The following PPP1R10 variants were observed in gnomAD, a reference collection of about 807,000 sequenced individuals.
The protein encoded by PPP1R10 is protein phosphatase 1 regulatory subunit 10.
A neutral mutation model predicts 99.0 loss-of-function variants in PPP1R10; 15 were observed. That is an observed-to-expected ratio of 0.15 (90% CI 0.10 to 0.23). PPP1R10 has a LOEUF of 0.23. Among genes scored for constraint, PPP1R10 ranks in the 10% least tolerant of loss-of-function variants. The pLI, the probability that PPP1R10 is intolerant of heterozygous loss-of-function variation, is 1.00. For missense variants in PPP1R10, 947 were observed against 1,259.4 expected (o/e 0.75, Z 3.75); for synonymous variants, 430 against 449.5 (o/e 0.96, Z 0.55).
In PPP1R10 at chr6:30,604,616, A is replaced by G; in HGVS notation, c.1074T>C (p.Pro358=). The change falls in exon 12 of 20, where the codon CCT becomes CCC. Residue 358 remains proline (P), a synonymous_variant. Coordinates refer to ENST00000376511, the MANE Select transcript of PPP1R10 (RefSeq NM_002714.4). The surrounding 1 kb of genome is among the most constrained non-coding windows in gnomAD (Gnocchi z 7.3). Reference sequence around the variant, plus strand: ...TATCCATGAGCTCCGGGACTTCAACAGGGGGAACCGGGGTGCCTGGACGGT... The same window carrying G: ...TATCCATGAGCTCCGGGACTTCAACGGGGGGAACCGGGGTGCCTGGACGGT... ...DADRPGTPVP[P]VEVPELMDTA... The G allele has an allele frequency of 6.2e-7, 1 of 1,613,062 alleles. No homozygotes were observed. Among genetic ancestry groups the G allele is most frequent in the Admixed American group, 1.7e-5 (1 of 60,016 alleles).
At position 30,607,844 on chromosome 6, in the gene PPP1R10, A is replaced by C. The variant is rs1455734482; in HGVS notation, c.378T>G (p.Asp126Glu). The stretch of plus-strand genomic sequence containing the variant: ...AGAGCAGAAGTGGCACCCTACCTTC[A>C]TCCTCACTTGACTTGCTCAGCTGCT... ...LVKQLSKSSE[D>E]EELRKLASVL... Residue 126 changes from aspartate (D) to glutamate (E), a missense_variant, in exon 6 of 20, where the codon GAT (aspartate) becomes GAG (glutamate). Physicochemically the swap from Asp to Glu is conservative, Grantham distance 45. This residue lies in a region of PPP1R10 where 92 missense variants were observed against 159.2 expected (regional missense o/e 0.58). Transcript: ENST00000376511. The C allele has an allele frequency of 1.2e-6, 2 of 1,612,974 alleles. No individual in the cohort carries two copies. The highest frequency in any genetic ancestry group is 1.3e-5 in the African/African-American group (1 of 75,058).
rs1048544515 is a variant in PPP1R10 at position 30,616,829 on chromosome 6, T to C, written c.-363A>G. ...TCAAGTCCCAAGCAGCGTGGGCTGG[T>C]GGGGTGGGCAAGATAGGTGGGAAGG... On this transcript the variant is annotated 5_prime_UTR_variant, in exon 2 of 20. Coordinates refer to ENST00000376511, the MANE Select transcript of PPP1R10 (RefSeq NM_002714.4). The C allele has an allele frequency of 6.6e-6, 1 of 152,118 alleles. No individual in the cohort carries two copies. Among genetic ancestry groups the C allele is most frequent in the South Asian group, 2.1e-4 (1 of 4,818 alleles). The allele number at this position is 152,118 out of a possible 1,614,324, so 9.4% of individuals were successfully genotyped here.
At chr6:30,607,750 AG>A in intron 6 of PPP1R10, 89 bp downstream of exon 6, 2 of 1,405,608 alleles carry the variant, frequency 1.4e-6, no homozygotes, top group Non-Finnish European at 2.0e-6. Flanking sequence ...AGAAAAGTGA[AG>A]GGACAATCCA....
Position 30,604,601 on chromosome 6 carries a change from C to G in PPP1R10, c.1089G>C (p.Glu363Asp), listed in dbSNP as rs1361888292. ...TTTCTAGATTACCTGTATCCATGAG[C>G]TCCGGGACTTCAACAGGGGGAACCG... ...GTPVPPVEVP[E>D]LMDTASLEPG... Residue 363 changes from glutamate (E) to aspartate (D), a missense_variant, in exon 12 of 20, where the codon GAG becomes GAC. By Grantham distance (45) the Glu-to-Asp change is conservative. Coordinates refer to ENST00000376511, the MANE Select transcript of PPP1R10 (RefSeq NM_002714.4). The surrounding 1 kb of genome is among the most constrained non-coding windows in gnomAD (Gnocchi z 7.3). 6.2e-7 allele frequency: 1 copy of G among 1,613,078 alleles called. No homozygotes were observed. The highest frequency in any genetic ancestry group is 1.1e-5 in the South Asian group (1 of 91,084).
At position 30,604,121 on chromosome 6, in the gene PPP1R10, C is replaced by T; in HGVS notation, c.1395G>A (p.Arg465=). The T allele has an allele frequency of 1.2e-6, 2 of 1,614,076 alleles. No individual in the cohort carries two copies. Among genetic ancestry groups the T allele is most frequent in the Non-Finnish European group, 8.5e-7 (1 of 1,180,008 alleles). The part of the protein sequence containing the change: ...MEEKVPWVCP[R]PLVLPSPLVT... ...CAAGAGGTGAGGGCAGAACCAGGGGCCGGGGGCACACCCAGGGCACCTTCT... is the reference window on the plus strand; with the variant it reads ...CAAGAGGTGAGGGCAGAACCAGGGGTCGGGGGCACACCCAGGGCACCTTCT... Residue 465 remains arginine (R), a synonymous_variant, in exon 14 of 20, where the codon CGG becomes CGA. Transcript: ENST00000376511. The surrounding 1 kb of genome is among the most constrained non-coding windows in gnomAD (Gnocchi z 7.3).
chr6:30,602,491 G>A lies in PPP1R10; in HGVS notation c.2158C>T (p.Pro720Ser), dbSNP rs1242429055. The A allele has an allele frequency of 1.9e-6, 3 of 1,575,550 alleles. No individual in the cohort carries two copies. The highest frequency in any genetic ancestry group is 1.8e-5 in the Admixed American group (1 of 56,068). ...RGGNEPPPPP[P>S]PFRGARGGRS... ...CCTCCTCTGGCGCCTCGGAATGGAG[G>A]AGGAGGAGGAGGAGGTTCGTTTCCT... Residue 720 changes from proline to serine, a missense_variant, in exon 19 of 20, where the codon CCT becomes TCT. Pro to Ser is a moderately conservative substitution (Grantham distance 74, BLOSUM62 -1). Transcript: ENST00000376511. The surrounding 1 kb of genome is among the most constrained non-coding windows in gnomAD (Gnocchi z 6.7).
At chr6:30,616,310 G>A (rs1298791117) in intron 2 of PPP1R10, among the ~76,000 whole-genome samples, 168 bp downstream of exon 2, 2 of 152,202 alleles carry the variant, frequency 1.3e-5, no homozygotes, top group African/African-American at 4.8e-5. Flanking sequence ...GAACAAGACT[G>A]TTTAGACCCA....
Position 30,606,239 on chromosome 6 carries a change from T to C in PPP1R10, c.639A>G (p.Leu213=). The change falls in exon 9 of 20, where the codon CTA becomes CTG. Residue 213 remains leucine (L), a synonymous_variant. Transcript: ENST00000376511. The surrounding 1 kb of genome is among the most constrained non-coding windows in gnomAD (Gnocchi z 6.3). ...GCACCAAGGATGGTGTCTCCAGCTCTAGTCCTGGGGAAAGAAGCACGGTGT... is the reference window on the plus strand; with the variant it reads ...GCACCAAGGATGGTGTCTCCAGCTCCAGTCCTGGGGAAAGAAGCACGGTGT... ...PSHAKFRSTG[L]ELETPSLVPV... 1 of 1,613,930 alleles carries C rather than the reference T, an allele frequency of 6.2e-7. No individual in the cohort carries two copies. Among genetic ancestry groups the C allele is most frequent in the Non-Finnish European group, 8.5e-7 (1 of 1,180,004 alleles).
Position 30,602,887 on chromosome 6 carries a change from C to T in PPP1R10, c.1916G>A (p.Gly639Asp). Residue 639 changes from glycine (G) to aspartate (D), a missense_variant, in exon 18 of 20, where the codon GGC becomes GAC. Physicochemically the swap from Gly to Asp is moderately conservative, Grantham distance 94. This residue lies in a region of PPP1R10 where 525 missense variants were observed against 578.8 expected (regional missense o/e 0.91). Transcript: ENST00000376511. This position sits in a 1 kb window ranked among gnomAD's most constrained non-coding sequence, Gnocchi z 6.7. ...FPPGGPGGPK[G>D]MQHFPPGPGG... ...AGGTCCAGGGGGAAAGTGCTGCATG[C>T]CCTTGGGGCCCCCAGGACCCCCTGG... 2 of 1,556,406 alleles carry T rather than the reference C, an allele frequency of 1.3e-6. No homozygotes were observed. The highest frequency in any genetic ancestry group is 8.7e-7 in the Non-Finnish European group (1 of 1,149,124).
Position 30,602,517 on chromosome 6 carries a change from C to A in PPP1R10, c.2132G>T (p.Gly711Val), listed in dbSNP as rs774194010. Residue 711 changes from glycine to valine, a missense_variant, in exon 19 of 20, where the codon GGA (glycine) becomes GTA (valine). Coordinates refer to ENST00000376511, the MANE Select transcript of PPP1R10 (RefSeq NM_002714.4). The surrounding 1 kb of genome is among the most constrained non-coding windows in gnomAD (Gnocchi z 6.7). ...GPYHRGRGGR[G>V]GNEPPPPPPP... ...AGGAGGAGGAGGAGGTTCGTTTCCT[C>A]CTCGGCCACCTCGGCCTCTATGGTA... The A allele has an allele frequency of 3.8e-6, 6 of 1,567,648 alleles. No homozygotes were observed. The highest frequency in any genetic ancestry group is 3.7e-5 in the Admixed American group (2 of 54,180).
chr6:30,613,059 T>C (rs1804719164), intron 2 of PPP1R10, among the ~76,000 whole-genome samples: 1 of 152,208 alleles, frequency 6.6e-6, no homozygotes, highest in African/African-American at 2.4e-5. Flanking sequence ...CATCCTAAGC[T>C]ATGCGTTCCT....
chr6:30,602,847 T>C lies in PPP1R10; in HGVS notation c.1956A>G (p.Pro652=). 1 of 1,554,122 alleles carries C rather than the reference T, an allele frequency of 6.4e-7. No individual in the cohort carries two copies. Among genetic ancestry groups the C allele is most frequent in the Non-Finnish European group, 8.7e-7 (1 of 1,147,830 alleles). The change falls in exon 18 of 20, where the codon CCA becomes CCG. Residue 652 remains proline, a splice_region_variant and synonymous_variant. Coordinates refer to ENST00000376511, the MANE Select transcript of PPP1R10 (RefSeq NM_002714.4). This position sits in a 1 kb window ranked among gnomAD's most constrained non-coding sequence, Gnocchi z 6.7. ...TCCAACCTTTTACTCACCACCTACC[T>C]GGCATAGGTCCCCCAGGTCCAGGGG... ...HFPPGPGGPM[P]GPHGGPGGPV...
chr6:30,608,962 G>A (rs761846669), intron 4 of PPP1R10, 48 bp from the exon 5 acceptor site: 3 of 1,613,186 alleles, frequency 1.9e-6, no homozygotes, highest in South Asian at 2.2e-5. Context: ...TCTAGGTTTT[G>A]ACAGTACCAC....
In PPP1R10 at chr6:30,604,617, G is replaced by A. The variant is rs1448121436; in HGVS notation, c.1073C>T (p.Pro358Leu). 1 of 1,612,972 alleles carries A rather than the reference G, an allele frequency of 6.2e-7. No homozygotes were observed. Among genetic ancestry groups the A allele is most frequent in the East Asian group, 2.2e-5 (1 of 44,900 alleles). ...DADRPGTPVP[P>L]VEVPELMDTA... ...ATCCATGAGCTCCGGGACTTCAACAGGGGGAACCGGGGTGCCTGGACGGTC... is the reference window on the plus strand; with the variant it reads ...ATCCATGAGCTCCGGGACTTCAACAAGGGGAACCGGGGTGCCTGGACGGTC... Residue 358 changes from proline to leucine, a missense_variant, in exon 12 of 20, where the codon CCT becomes CTT. Pro to Leu is a moderately conservative substitution (Grantham distance 98). Transcript: ENST00000376511. This position sits in a 1 kb window ranked among gnomAD's most constrained non-coding sequence, Gnocchi z 7.3.
Position 30,617,044 on chromosome 6 carries a change from T to C in PPP1R10, c.-532-46A>G, listed in dbSNP as rs755345286. The C allele has an allele frequency of 1.2e-3, 190 of 152,360 alleles. 3 individuals are homozygous for C. Among genetic ancestry groups the C allele is most frequent in the Middle Eastern group, 3.4e-3 (1 of 296 alleles). The allele number at this position is 152,360 out of a possible 1,614,324, so 9.4% of individuals were successfully genotyped here. A position where few individuals can be genotyped will look rare whatever the true frequency, so the allele number is the denominator to read the frequency against. ...GGGAGAAAGATGTAATCAGTACGGG[T>C]TGCTTCAAAACACTCACAAATGCCA... On this transcript the variant is annotated intron_variant, in intron 1 of 19. Transcript: ENST00000376511.
rs1156940723 is a variant in PPP1R10, at chr6:30,600,471, C to G, written c.*1078G>C. On this transcript the variant is annotated 3_prime_UTR_variant, in exon 20 of 20. Coordinates refer to ENST00000376511, the MANE Select transcript of PPP1R10 (RefSeq NM_002714.4). ...ATATACAAAACCAAAAAAAAAAATA[C>G]TCATCCTCAAATCCATTTTGGCTCT... The G allele has an allele frequency of 6.6e-6, 1 of 152,292 alleles. No individual in the cohort carries two copies. Among genetic ancestry groups the G allele is most frequent in the Non-Finnish European group, 1.5e-5 (1 of 67,994 alleles). The allele number at this position is 152,292 out of a possible 1,614,324, so 9.4% of individuals were successfully genotyped here. A position where few individuals can be genotyped will look rare whatever the true frequency, so the allele number is the denominator to read the frequency against.
At chr6:30,601,851 T>C (rs1462363877) in intron 19 of PPP1R10, 85 bp downstream of exon 19, 1 of 1,435,638 alleles carries the variant, frequency 7.0e-7, no homozygotes, top group African/African-American at 1.4e-5. Context: ...TCTGCCTAGC[T>C]ACCAACAGTA....
At chr6:30,613,692 A>G (rs1804783656) in intron 2 of PPP1R10, among the ~76,000 whole-genome samples, 1 of 152,070 alleles carries the variant, frequency 6.6e-6, no homozygotes, top group African/African-American at 2.4e-5. Context: ...GTTTTCCAAG[A>G]TTTTCTGAAT....
chr6:30,611,360 T>A (rs1455015351), intron 2 of PPP1R10, among the ~76,000 whole-genome samples: 2 of 152,128 alleles, frequency 1.3e-5, no homozygotes, highest in African/African-American at 4.8e-5. Flanking sequence ...TTCAGCAATA[T>A]CTGCCTTTGG....
Sources: allele counts gnomAD v4.1 joint callset (sites outside exome capture counted in the v4.1 genomes callset), GRCh38; gene constraint gnomAD v4.1.1; regional missense constraint gnomAD v4.1.1; non-coding constraint Gnocchi (gnomAD v3.1); transcripts MANE v1.5; gene names NCBI Gene and HGNC (gene_info 2026-07-23, HGNC 2026-07-21).